The following UNC13B variants were observed in gnomAD, a reference collection of about 807,000 sequenced individuals.
The protein encoded by UNC13B is unc-13 homolog B.
In UNC13B, 144 loss-of-function variants were observed where a neutral mutation model predicts 211.0. That is an observed-to-expected ratio of 0.68 (90% CI 0.60 to 0.78). The LOEUF (loss-of-function observed/expected upper bound fraction) is 0.78, where lower values mean the gene tolerates loss of function less well. Ranked by LOEUF, UNC13B falls within the 30% of genes least tolerant of loss-of-function variation. UNC13B has a pLI of 0.00. For missense variants in UNC13B, 1,777 were observed against 2,002.0 expected (o/e 0.89, Z 2.14); for synonymous variants, 709 against 725.8 (o/e 0.98, Z 0.37).
rs966455334 is a variant in UNC13B, at chr9:35,302,779, G to C, written c.3375G>C (p.Leu1125Phe). The C allele has an allele frequency of 1.5e-5, 6 of 398,554 alleles. No homozygotes were observed. Among genetic ancestry groups the C allele is most frequent in the Non-Finnish European group, 2.7e-5 (6 of 225,752 alleles). The allele number at this position is 398,554 out of a possible 1,614,324, so 24.7% of individuals were successfully genotyped here. ...TTTCTACCACTTCCAAATCCACTTT[G>C]GTTAATGAAATTAATGAAGATGAGG... ...ECISTTSKSTLVNEINEDEVI... is the reference protein window; with the variant it reads ...ECISTTSKSTFVNEINEDEVI... Residue 1125 changes from leucine to phenylalanine, a missense_variant, in exon 9 of 40, where the codon TTG (leucine) becomes TTC (phenylalanine). Leu to Phe is a conservative substitution (Grantham distance 22). Transcript: ENST00000635942.
In UNC13B at chr9:35,399,379, C is replaced by T; in HGVS notation, c.12199-13C>T. On this transcript the variant is annotated splice_polypyrimidine_tract_variant and intron_variant, in intron 34 of 39. Transcript: ENST00000635942. ...GGGGTCCTCTGCTTTTGACTGATTC[C>T]CTCTCTGCCCAGGGCACCCAGCTGA... 6.2e-7 allele frequency: 1 copy of T among 1,614,080 alleles called. No homozygotes were observed. The highest frequency in any genetic ancestry group is 8.5e-7 in the Non-Finnish European group (1 of 1,180,008).
At position 35,306,105 on chromosome 9, in the gene UNC13B, G is replaced by GGTTTT. The variant is rs1464578038; in HGVS notation, c.6701_6702insGTTTT (p.Ser2234ArgfsTer10). On this transcript the variant is annotated frameshift_variant, in exon 9 of 40. Transcript: ENST00000635942. LOFTEE classifies it high-confidence loss of function. ...AAGGAGACCTCTGGGGAAAAACAAA[G>GGTTTT]CATTTCAACTGTTGTTCCAGTGACC... 54 of 398,856 alleles carry GGTTTT rather than the reference G, an allele frequency of 1.4e-4. No individual in the cohort carries two copies. The highest frequency in any genetic ancestry group is 2.3e-4 in the Non-Finnish European group (51 of 226,040). 24.7% of individuals were successfully genotyped at this position (398,856 alleles called of 1,614,324 possible).
At chr9:35,205,892 CT>C (rs1554686934) in intron 1 of UNC13B, among the ~76,000 whole-genome samples, 1 of 151,854 alleles carries the variant, frequency 6.6e-6, no homozygotes, top group Non-Finnish European at 1.5e-5. Context: ...TTTTTTAAAA[CT>C]TGAGGTGAGG....
rs1279090774 is a variant in UNC13B, at chr9:35,390,708, T to C, written c.11302T>C (p.Leu3768=). The part of the protein sequence containing the change: ...HLFAQDMKYA[L]EEHEKDHLCK... Reference sequence around the variant, plus strand: ...GTTTGCCCAAGACATGAAATATGCATTGGAGGGTAAGGATCTGTTCAAATC... The same window carrying C: ...GTTTGCCCAAGACATGAAATATGCACTGGAGGGTAAGGATCTGTTCAAATC... The change falls in exon 26 of 40, where the codon TTG becomes CTG. Residue 3768 remains leucine, a synonymous_variant. Coordinates refer to ENST00000635942, the MANE Select transcript of UNC13B (RefSeq NM_001371189.2). 7.4e-6 allele frequency: 12 copies of C among 1,614,004 alleles called. No individual in the cohort carries two copies. Among genetic ancestry groups the C allele is most frequent in the Non-Finnish European group, 1.0e-5 (12 of 1,179,974 alleles).
intron 3 of UNC13B, among the ~76,000 whole-genome samples, chr9:35,235,181 T>C (rs1007177493): frequency 2.0e-5 from 3 of 152,206 alleles, no homozygotes; most frequent in Non-Finnish European, 4.4e-5. Context: ...TATCTGGCTC[T>C]TTATGGAATG....
chr9:35,237,304 GATGGGCAGTTC>G (rs1478877032), intron 4 of UNC13B, among the ~76,000 whole-genome samples: 2 of 152,164 alleles, frequency 1.3e-5, no homozygotes, highest in African/African-American at 4.8e-5. Flanking sequence ...TCCCCAGGCA[GATGGGCAGTTC>G]ATTTTCATTG....
At chr9:35,363,069 T>C (rs1429458439) in intron 11 of UNC13B, among the ~76,000 whole-genome samples, 1 of 152,018 alleles carries the variant, frequency 6.6e-6, no homozygotes, top group Admixed American at 6.5e-5. Context: ...TAAATAAAAA[T>C]TTGGGGTTTT....
At chr9:35,217,561 T>C (rs2131443597) in intron 1 of UNC13B, among the ~76,000 whole-genome samples, 1 of 152,130 alleles carries the variant, frequency 6.6e-6, no homozygotes, top group South Asian at 2.1e-4. Flanking sequence ...GCTAATTTTT[T>C]TGTATTTTTA....
At chr9:35,397,748 G>A in intron 30 of UNC13B, 36 bp downstream of exon 30, 4 of 1,608,116 alleles carry the variant, frequency 2.5e-6, no homozygotes, top group East Asian at 2.2e-5. Flanking sequence ...CAGAAAGAGA[G>A]TGGAAGACAT....
chr9:35,361,605 T>C (rs1833416579), intron 11 of UNC13B: 1 of 152,202 alleles, frequency 6.6e-6, no homozygotes, highest in East Asian at 1.9e-4. Flanking sequence ...TAATATATAA[T>C]CCTTTTTTCT....
chr9:35,302,108 C>T lies in UNC13B; in HGVS notation c.2704C>T (p.Gln902Ter), dbSNP rs1466882096. The T allele has an allele frequency of 2.5e-6, 1 of 398,494 alleles. No individual in the cohort carries two copies. The highest frequency in any genetic ancestry group is 1.3e-4 in the South Asian group (1 of 7,852). The allele number at this position is 398,494 out of a possible 1,614,324, so 24.7% of individuals were successfully genotyped here. Reference sequence around the variant, plus strand: ...TGACAGCAAGGTTACTGTTAATGACCAGAGTTTACGTGGCTCAGCAGTAAC... The same window carrying T: ...TGACAGCAAGGTTACTGTTAATGACTAGAGTTTACGTGGCTCAGCAGTAAC... ...FTDSKVTVND[Q>*]SLRGSAVTTD... is the part of the protein sequence containing the mutation. The change falls in exon 9 of 40, where the codon CAG (glutamine) becomes TAG (stop). Residue 902 changes from glutamine (Q) to a stop codon, truncating the protein, a stop_gained. Coordinates refer to ENST00000635942, the MANE Select transcript of UNC13B (RefSeq NM_001371189.2). LOFTEE classifies it high-confidence loss of function.
rs1388403851 is a variant in UNC13B, at chr9:35,182,475, TA to T, written c.22+20171del. 9.8e-4 allele frequency among the ~76,000 whole-genome samples: 149 copies of T among 151,976 alleles called. 1 individual carries two copies. Among genetic ancestry groups the T allele is most frequent in the Non-Finnish European group, 1.6e-3 (111 of 67,954 alleles). ...TTTTATTTTTATTTATTTTTATTTT[TA>T]TTTTTTTTAGTATTTATTGATCATT... On this transcript the variant is annotated intron_variant, in intron 1 of 39. Coordinates refer to ENST00000635942, the MANE Select transcript of UNC13B (RefSeq NM_001371189.2).
At chr9:35,281,993 C>T (rs1362321460) in intron 7 of UNC13B, among the ~76,000 whole-genome samples, 2 of 152,052 alleles carry the variant, frequency 1.3e-5, no homozygotes, top group Non-Finnish European at 2.9e-5. Context: ...TCACAAAGGG[C>T]TTGAATGCCA....
intron 24 of UNC13B, 28 bp from the exon 25 acceptor site, chr9:35,389,818 T>A: frequency 6.2e-7 from 1 of 1,612,734 alleles, no homozygotes; most frequent in South Asian, 1.1e-5. Context: ...TCTTTCTCCC[T>A]CTCTCTCACT....
At chr9:35,249,664 A>G (rs1587464712) in intron 6 of UNC13B, among the ~76,000 whole-genome samples, 1 of 152,174 alleles carries the variant, frequency 6.6e-6, no homozygotes, top group African/African-American at 2.4e-5. Context: ...CTTTTCTTTA[A>G]GAATGTTGAA....
In UNC13B at chr9:35,237,816, GT is replaced by G; in HGVS notation, c.386del (p.Leu129CysfsTer134). 1 of 1,612,076 alleles carries G rather than the reference GT, an allele frequency of 6.2e-7. No homozygotes were observed. The highest frequency in any genetic ancestry group is 8.5e-7 in the Non-Finnish European group (1 of 1,179,474). On this transcript the variant is annotated frameshift_variant, in exon 5 of 40. Transcript: ENST00000635942. LOFTEE classifies it high-confidence loss of function. ...AAATTTTGCTTGATACAAGATTTGA[GT>G]TGCCTTTTGGTGAGTAAAATTTTAA... ...HKILLDTRFELPFDIPEEEAR... is the reference protein window; with the variant it reads ...HKILLDTRFEXPFDIPEEEAR...
At chr9:35,270,534 T>C (rs889146926) in intron 7 of UNC13B, among the ~76,000 whole-genome samples, 30 of 152,206 alleles carry the variant, frequency 2.0e-4, no homozygotes, top group African/African-American at 7.0e-4. Context: ...TTAGGATTAA[T>C]ATACCCAGTG....
intron 1 of UNC13B, among the ~76,000 whole-genome samples, chr9:35,225,206 G>A (rs1824765655): frequency 6.6e-6 from 1 of 152,064 alleles, no homozygotes; most frequent in Non-Finnish European, 1.5e-5. Flanking sequence ...TGTCACCCCC[G>A]CTGGAGTGTG....
At chr9:35,239,092 A>C (rs1023052269) in intron 5 of UNC13B, among the ~76,000 whole-genome samples, 3 of 152,032 alleles carry the variant, frequency 2.0e-5, no homozygotes, top group African/African-American at 7.2e-5. Flanking sequence ...TACTCTTATA[A>C]ATTATATCTG....
Sources: allele counts gnomAD v4.1 joint callset (sites outside exome capture counted in the v4.1 genomes callset), GRCh38; gene constraint gnomAD v4.1.1; transcripts MANE v1.5; gene names NCBI Gene and HGNC (gene_info 2026-07-23, HGNC 2026-07-21).